The following CEP192 variants were observed in gnomAD, a reference collection of about 807,000 sequenced individuals.
CEP192 encodes centrosomal protein of 192 kDa.
CEP192 carries 151 observed loss-of-function variants against 271.8 expected under a neutral mutation model. That is an observed-to-expected ratio of 0.56 (90% CI 0.49 to 0.64). The LOEUF is 0.64. CEP192 is among the 30% of genes least tolerant of loss of function. CEP192 has a pLI of 0.00. For synonymous variants in CEP192, 995 were observed against 1,076.5 expected, an observed-to-expected ratio of 0.92 and a Z score of 1.48; for missense variants, 2,910 against 3,020.5, an observed-to-expected ratio of 0.96 and a Z score of 0.86.
intron 12 of CEP192, 150 bp from the exon 13 acceptor site, chr18:13,038,220 A>T (rs1331069402): frequency 1.6e-6 from 1 of 628,380 alleles, no homozygotes; most frequent in Non-Finnish European, 2.8e-6. Flanking sequence ...GTAGCTGATG[A>T]TGCTTCAGTT....
At chr18:13,000,916 G>A (rs2033603957) in intron 2 of CEP192, among the ~76,000 whole-genome samples, 1 of 152,202 alleles carries the variant, frequency 6.6e-6, no homozygotes, top group African/African-American at 2.4e-5. Context: ...TTGGGCCACT[G>A]CACTCCAGCC....
intron 4 of CEP192, among the ~76,000 whole-genome samples, chr18:13,010,013 G>T (rs142838376): frequency 6.6e-6 from 1 of 152,004 alleles, no homozygotes; most frequent in Non-Finnish European, 1.5e-5. Context: ...ACAAAAATTA[G>T]CAGGGTATAG....
intron 30 of CEP192, among the ~76,000 whole-genome samples, chr18:13,073,544 C>T (rs1463593167): frequency 2.0e-5 from 3 of 152,190 alleles, no homozygotes; most frequent in African/African-American, 7.2e-5. Flanking sequence ...AGCAAAAATA[C>T]TGTCTCTGTC....
At chr18:13,077,251 G>T (rs2038340226) in intron 30 of CEP192, among the ~76,000 whole-genome samples, 1 of 152,182 alleles carries the variant, frequency 6.6e-6, no homozygotes, top group Non-Finnish European at 1.5e-5. Flanking sequence ...TACAGATTGA[G>T]TATCCCTAAT....
At chr18:13,099,671 A>C (rs1350097275) in intron 37 of CEP192, 90 bp downstream of exon 37, 3 of 648,350 alleles carry the variant, frequency 4.6e-6, no homozygotes, top group Non-Finnish European at 2.7e-6. Context: ...TTAATTTCAG[A>C]AATCAAATGA....
chr18:13,071,106 T>C lies in CEP192; in HGVS notation c.5242T>C (p.Ser1748Pro). ...GGTAGTGTTAAAAGGCGAAGTCATT[T>C]CTTCAGGAAGTAAACCTCTGTCACC... is the stretch of plus-strand genomic sequence containing the variant. ...YEVVLKGEVI[S>P]SGSKPLSPGP... The change falls in exon 28 of 45, where the codon TCT becomes CCT. Residue 1748 changes from serine (S) to proline (P), a missense_variant. By Grantham distance (74) the Ser-to-Pro change is moderately conservative. Coordinates refer to ENST00000506447, the MANE Select transcript of CEP192 (RefSeq NM_032142.4). 1 of 1,614,060 alleles carries C rather than the reference T, an allele frequency of 6.2e-7. No homozygotes were observed. Among genetic ancestry groups the C allele is most frequent in the Non-Finnish European group, 8.5e-7 (1 of 1,179,884 alleles).
intron 21 of CEP192, among the ~76,000 whole-genome samples, chr18:13,062,571 T>C (rs1364132929): frequency 6.6e-6 from 1 of 151,930 alleles, no homozygotes; most frequent in Non-Finnish European, 1.5e-5. Context: ...GAATTTTTTT[T>C]AATTTAAAAT....
At chr18:13,045,006 G>A in intron 15 of CEP192, among the ~76,000 whole-genome samples, 1 of 151,926 alleles carries the variant, frequency 6.6e-6, no homozygotes, top group Non-Finnish European at 1.5e-5. Flanking sequence ...AATTTAGATT[G>A]TAATCTTCCT....
At position 13,121,161 on chromosome 18, in the gene CEP192, T is replaced by C. The variant is rs114203341; in HGVS notation, c.7476-3471T>C. On this transcript the variant is annotated intron_variant, in intron 44 of 44. Coordinates refer to ENST00000506447, the MANE Select transcript of CEP192 (RefSeq NM_032142.4). ...TGCCAGATGAGAGCAGCAGTTAGCTTGCCTTGGCAGTGCAACAAAATCTGT... is the reference window on the plus strand; with the variant it reads ...TGCCAGATGAGAGCAGCAGTTAGCTCGCCTTGGCAGTGCAACAAAATCTGT... 9.3e-3 allele frequency among the ~76,000 whole-genome samples: 1,418 copies of C among 152,358 alleles called. 21 individuals carry two copies. Among genetic ancestry groups the C allele is most frequent in the African/African-American group, 0.031 (1,301 of 41,582 alleles).
chr18:13,081,343 C>A (rs2038596070), intron 30 of CEP192, among the ~76,000 whole-genome samples: 1 of 152,168 alleles, frequency 6.6e-6, no homozygotes, highest in Non-Finnish European at 1.5e-5. Flanking sequence ...AGAGATTCAA[C>A]TTCTTCCTGG....
chr18:13,067,989 C>A (rs1319535903), intron 22 of CEP192, 33 bp downstream of exon 22: 1 of 1,601,912 alleles, frequency 6.2e-7, no homozygotes, highest in South Asian at 1.1e-5. Context: ...AAACCATTTA[C>A]AGAATGCACT....
chr18:13,084,243 G>A (rs567792526), intron 30 of CEP192, among the ~76,000 whole-genome samples: 2 of 152,182 alleles, frequency 1.3e-5, no homozygotes, highest in Non-Finnish European at 2.9e-5. Context: ...GCTCTATAGA[G>A]GTTGTAGGCA....
chr18:13,059,333 C>G (rs1302128198), intron 21 of CEP192, 21 bp downstream of exon 21: 5 of 1,574,982 alleles, frequency 3.2e-6, no homozygotes, highest in Non-Finnish European at 4.4e-6. Context: ...GAAAATGAAT[C>G]TTTGTCATAC....
chr18:13,063,388 G>A (rs1055305466), intron 21 of CEP192, among the ~76,000 whole-genome samples: 3 of 152,110 alleles, frequency 2.0e-5, no homozygotes, highest in Non-Finnish European at 2.9e-5. Context: ...GTTATTGCCC[G>A]TCTTTTGGAT....
At position 13,119,068 on chromosome 18, in the gene CEP192, G is replaced by T. The variant is rs1248778758; in HGVS notation, c.7475+1425G>T. Among the ~76,000 whole-genome samples, 3 of 152,194 alleles carry T rather than the reference G, an allele frequency of 2.0e-5. No homozygotes were observed. The East Asian group carries it at 5.8e-4, about 29-fold the overall frequency. On this transcript the variant is annotated intron_variant, in intron 44 of 44. Coordinates refer to ENST00000506447, the MANE Select transcript of CEP192 (RefSeq NM_032142.4). ...GGCTGCCCCAATTGATTTGAGACTAGTGATGCTCTAGTGTGCGTAATAATA... is the reference window on the plus strand; with the variant it reads ...GGCTGCCCCAATTGATTTGAGACTATTGATGCTCTAGTGTGCGTAATAATA...
chr18:13,095,880 A>G (rs751407171), intron 35 of CEP192, among the ~76,000 whole-genome samples, 199 bp downstream of exon 35: 2 of 152,146 alleles, frequency 1.3e-5, no homozygotes, highest in African/African-American at 2.4e-5. Flanking sequence ...ACACTCCTCA[A>G]TGAGGCTCCC....
At chr18:13,026,169 A>G (rs890921243) in intron 9 of CEP192, among the ~76,000 whole-genome samples, 21 of 152,144 alleles carry the variant, frequency 1.4e-4, no homozygotes, top group Non-Finnish European at 2.2e-4. Context: ...AACTCTTTAA[A>G]GTAGTTTACT....
intron 30 of CEP192, among the ~76,000 whole-genome samples, chr18:13,081,165 A>G (rs570047459): frequency 4.0e-4 from 61 of 152,218 alleles, no homozygotes; most frequent in Non-Finnish European, 7.5e-4. Flanking sequence ...AAAATGAGTT[A>G]GGGAGGATTC....
chr18:13,120,580 C>A (rs2040615169), intron 44 of CEP192, among the ~76,000 whole-genome samples: 1 of 152,152 alleles, frequency 6.6e-6, no homozygotes, highest in African/African-American at 2.4e-5. Flanking sequence ...AATAGTATTG[C>A]AAGGTGCATA....
Sources: gnomAD v4.1 joint callset for allele counts (sites outside exome capture counted in the v4.1 genomes callset) on GRCh38, gnomAD v4.1.1 for gene constraint, MANE v1.5 for transcripts, NCBI Gene and HGNC (gene_info 2026-07-23, HGNC 2026-07-21) for gene names.